ERN1: variants seen among roughly 807,000 people sequenced by gnomAD.
The protein encoded by ERN1 is serine/threonine-protein kinase/endoribonuclease IRE1.
A neutral mutation model predicts 113.1 loss-of-function variants in ERN1; 39 were observed. The observed-to-expected ratio is 0.34, with a 90% CI of 0.27 to 0.45. The LOEUF is 0.45. ERN1 is among the 20% of genes least tolerant of loss of function. ERN1 has a pLI of 1.00. For missense variants in ERN1, 976 were observed against 1,274.8 expected (o/e 0.77, Z 3.57); for synonymous variants, 507 against 515.9 (o/e 0.98, Z 0.23).
chr17:64,054,765 T>C lies in ERN1; in HGVS notation c.1736A>G (p.His579Arg). Residue 579 changes from histidine to arginine, a missense_variant, in exon 14 of 22, where the codon CAT (histidine) becomes CGT (arginine). Physicochemically the swap from His to Arg is conservative, Grantham distance 29 (BLOSUM62 0). Around this residue, in one of 5 missense-constraint regions of ERN1, gnomAD observed 297 missense variants for 457.8 expected, o/e 0.65. Transcript: ENST00000433197. This position sits in a 1 kb window ranked among gnomAD's most constrained non-coding sequence, Gnocchi z 4.9. ...ISFCPKDVLG[H>R]GAEGTIVYRG... is the part of the protein sequence containing the mutation. ...GTACACAATTGTGCCCTCAGCTCCATGGCCCAGGACATCCTTGGGACAGAA... is the reference window on the plus strand; with the variant it reads ...GTACACAATTGTGCCCTCAGCTCCACGGCCCAGGACATCCTTGGGACAGAA... 6.2e-7 allele frequency: 1 copy of C among 1,609,908 alleles called. No homozygotes were observed. Among genetic ancestry groups the C allele is most frequent in the Non-Finnish European group, 8.5e-7 (1 of 1,178,514 alleles).
intron 6 of ERN1, 131 bp from the exon 7 acceptor site, chr17:64,068,422 C>A (rs1287025940): frequency 6.1e-6 from 4 of 654,490 alleles, no homozygotes; most frequent in African/African-American, 1.8e-5. Flanking sequence ...CTATCCATGT[C>A]GATAGAGAAA....
At chr17:64,092,322 A>C (rs111755219) in intron 2 of ERN1, among the ~76,000 whole-genome samples, 6,007 of 152,106 alleles carry the variant, frequency 0.039, 424 homozygotes, top group African/African-American at 0.13. Flanking sequence ...TTCTGTCAGC[A>C]CAGGGAGGAA....
chr17:64,053,433 A>T (rs1183148855), intron 15 of ERN1, 62 bp from the exon 16 acceptor site: 6 of 1,151,718 alleles, frequency 5.2e-6, no homozygotes, highest in Non-Finnish European at 1.2e-6. Context: ...CCCTCGGCTC[A>T]CTTTCTTTGA....
chr17:64,079,198 G>A (rs553907249), intron 4 of ERN1, among the ~76,000 whole-genome samples: 18 of 152,120 alleles, frequency 1.2e-4, no homozygotes, highest in African/African-American at 3.4e-4. Context: ...CTGTTTTTTC[G>A]AATTCCAGGT....
chr17:64,040,647 A>G lies in ERN1; in HGVS notation c.*3341T>C, dbSNP rs946394986. 6.6e-6 allele frequency: 1 copy of G among 152,188 alleles called. No individual in the cohort carries two copies. The highest frequency in any genetic ancestry group is 2.4e-5 in the African/African-American group (1 of 41,452). The allele number at this position is 152,188 out of a possible 1,614,324, so 9.4% of individuals were successfully genotyped here. A position where few individuals can be genotyped will look rare whatever the true frequency, so the allele number is the denominator to read the frequency against. On this transcript the variant is annotated 3_prime_UTR_variant, in exon 22 of 22. Coordinates refer to ENST00000433197, the MANE Select transcript of ERN1 (RefSeq NM_001433.5). ...ATCTACTCACCTGCAGATCTTCCAG[A>G]ACATCTATCTGTAACTGATCAGAGT...
intron 2 of ERN1, among the ~76,000 whole-genome samples, chr17:64,090,649 C>A (rs1914062519): frequency 6.6e-6 from 1 of 152,154 alleles, no homozygotes; most frequent in Non-Finnish European, 1.5e-5. Context: ...ACACACCAAC[C>A]AATGCTGCAA....
intron 1 of ERN1, among the ~76,000 whole-genome samples, chr17:64,120,916 CAAAG>C (rs1914938457): frequency 6.6e-6 from 1 of 152,164 alleles, no homozygotes; most frequent in South Asian, 2.1e-4. Flanking sequence ...TAATGAGTCT[CAAAG>C]AAGAATTCAA....
intron 5 of ERN1, 48 bp downstream of exon 5, chr17:64,075,127 G>A (rs372090447): frequency 4.2e-5 from 61 of 1,441,132 alleles, no homozygotes; most frequent in African/African-American, 1.0e-4. Context: ...CCCAGATTCC[G>A]GGACTTACAT....
chr17:64,094,034 G>A (rs771351087), intron 2 of ERN1, among the ~76,000 whole-genome samples: 2 of 152,234 alleles, frequency 1.3e-5, no homozygotes, highest in Non-Finnish European at 2.9e-5. Flanking sequence ...CCCTGCATCT[G>A]CATGCCACTC....
rs1912412894 is a variant in ERN1, at chr17:64,043,720, C to T, written c.*268G>A. The T allele has an allele frequency of 2.7e-6, 1 of 364,934 alleles. No homozygotes were observed. Among genetic ancestry groups the T allele is most frequent in the Non-Finnish European group, 4.9e-6 (1 of 204,238 alleles). 22.6% of individuals were successfully genotyped at this position (364,934 alleles called of 1,614,324 possible). ...AGTAGATGGCTGGGGGTGCTACTCG[C>T]GCTGTCTCTGAGGCCCTCCTTTGCA... On this transcript the variant is annotated 3_prime_UTR_variant, in exon 22 of 22. Transcript: ENST00000433197.
chr17:64,105,614 T>G (rs911829532), intron 1 of ERN1, among the ~76,000 whole-genome samples: 2 of 152,190 alleles, frequency 1.3e-5, no homozygotes, highest in East Asian at 3.9e-4. Flanking sequence ...AATAGTCCTC[T>G]GTGTTCATTG....
In ERN1 at chr17:64,119,376, G is replaced by GTTTT. The variant is rs3044073; in HGVS notation, c.54+10596_54+10599dup. On this transcript the variant is annotated intron_variant, in intron 1 of 21. Transcript: ENST00000433197. ...TAATATTAGGTTCCTTTTTTTCTAG[G>GTTTT]TTTTTTTTTTTTTTTTTTTTTTTTT... 3.0e-3 allele frequency among the ~76,000 whole-genome samples: 230 copies of GTTTT among 77,890 alleles called. 10 individuals are homozygous for GTTTT. Among genetic ancestry groups the GTTTT allele is most frequent in the African/African-American group, 4.1e-3 (73 of 17,948 alleles). The allele number at this position is 77,890 out of a possible 152,430, so 51.1% of individuals were successfully genotyped here.
chr17:64,123,941 A>T (rs918778681), intron 1 of ERN1, among the ~76,000 whole-genome samples: 2 of 152,228 alleles, frequency 1.3e-5, no homozygotes, highest in Non-Finnish European at 2.9e-5. Context: ...AGTGTGGGGA[A>T]GAAAAGTATT....
intron 19 of ERN1, among the ~76,000 whole-genome samples, chr17:64,045,843 T>G (rs978296869): frequency 1.3e-5 from 2 of 152,224 alleles, no homozygotes; most frequent in Admixed American, 6.5e-5. Flanking sequence ...AAGCTCAGAT[T>G]TGATGTGCAT....
chr17:64,092,599 G>C (rs556760686), intron 2 of ERN1, among the ~76,000 whole-genome samples: 88 of 152,238 alleles, frequency 5.8e-4, no homozygotes, highest in African/African-American at 2.0e-3. Context: ...AGATTTTCAT[G>C]ATTAGTAAAG....
Position 64,042,727 on chromosome 17 carries a change from T to C in ERN1, c.*1261A>G, listed in dbSNP as rs919074996. 1 of 152,244 alleles carries C rather than the reference T, an allele frequency of 6.6e-6. No homozygotes were observed. The highest frequency in any genetic ancestry group is 1.5e-5 in the Non-Finnish European group (1 of 68,042). 9.4% of individuals were successfully genotyped at this position (152,244 alleles called of 1,614,324 possible). On this transcript the variant is annotated 3_prime_UTR_variant, in exon 22 of 22. Coordinates refer to ENST00000433197, the MANE Select transcript of ERN1 (RefSeq NM_001433.5). ...AATTTAGAGACTATTTCTTTGATAC[T>C]GTTCAATACATTTACATAGTGTTGC...
intron 4 of ERN1, among the ~76,000 whole-genome samples, chr17:64,077,360 A>G (rs1310531950): frequency 6.6e-6 from 1 of 152,230 alleles, no homozygotes; most frequent in Non-Finnish European, 1.5e-5. Flanking sequence ...CAAGTTTCAC[A>G]AAGTGAACAT....
Position 64,130,059 on chromosome 17 carries a change from G to C in ERN1, c.-30C>G. ...AGGACTCGGCCCTGGCTCCGGGGGC[G>C]GTACGGACAGAGGACGGGGCGGGGG... On this transcript the variant is annotated 5_prime_UTR_variant, in exon 1 of 22. Coordinates refer to ENST00000433197, the MANE Select transcript of ERN1 (RefSeq NM_001433.5). This position sits in a 1 kb window ranked among gnomAD's most constrained non-coding sequence, Gnocchi z 4.0. 2 of 1,376,752 alleles carry C rather than the reference G, an allele frequency of 1.5e-6. No individual in the cohort carries two copies. The highest frequency in any genetic ancestry group is 1.9e-6 in the Non-Finnish European group (2 of 1,073,118). 85.3% of individuals were successfully genotyped at this position (1,376,752 alleles called of 1,614,324 possible).
At chr17:64,127,657 G>C (rs535205467) in intron 1 of ERN1, among the ~76,000 whole-genome samples, 3 of 152,054 alleles carry the variant, frequency 2.0e-5, no homozygotes, top group Admixed American at 2.0e-4. Context: ...GGGAGGCTGA[G>C]GCAGGAGAAT....
Sources: gnomAD v4.1 joint callset for allele counts (sites outside exome capture counted in the v4.1 genomes callset) on GRCh38, gnomAD v4.1.1 for gene constraint, gnomAD v4.1.1 regional missense constraint, Gnocchi (gnomAD v3.1) non-coding constraint, MANE v1.5 for transcripts, NCBI Gene and HGNC (gene_info 2026-07-23, HGNC 2026-07-21) for gene names.